NDST3: variants seen among roughly 807,000 people sequenced by gnomAD.
NDST3 encodes N-deacetylase and N-sulfotransferase 3.
Under a neutral mutation model 96.1 loss-of-function variants are expected in NDST3, and 58 were observed. The observed-to-expected ratio is 0.60, with a 90% CI of 0.49 to 0.75. The LOEUF (loss-of-function observed/expected upper bound fraction) is 0.75. NDST3 is among the 30% of genes least tolerant of loss of function. The pLI is 0.00. For synonymous variants in NDST3, 333 were observed against 359.7 expected, an observed-to-expected ratio of 0.93 and a Z score of 0.84; for missense variants, 788 against 1,034.2, an observed-to-expected ratio of 0.76 and a Z score of 3.27.
At chr4:118,179,772 T>C (rs78254564) in intron 6 of NDST3, among the ~76,000 whole-genome samples, 1,820 of 152,182 alleles carry the variant, frequency 0.012, 31 homozygotes, top group African/African-American at 0.041. Flanking sequence ...TCAACATTTT[T>C]TGGTTATTCT....
intron 6 of NDST3, among the ~76,000 whole-genome samples, chr4:118,149,140 C>A (rs1485915679): frequency 1.3e-5 from 2 of 152,158 alleles, no homozygotes; most frequent in South Asian, 4.1e-4. Flanking sequence ...CAGTACCATG[C>A]TGTTTTGGTT....
At chr4:118,186,936 C>T (rs1737000505) in intron 6 of NDST3, among the ~76,000 whole-genome samples, 1 of 152,134 alleles carries the variant, frequency 6.6e-6, no homozygotes, top group Non-Finnish European at 1.5e-5. Context: ...TGGCTGCATG[C>T]AAACATTCAA....
intron 6 of NDST3, among the ~76,000 whole-genome samples, chr4:118,187,144 G>T (rs867315541): frequency 2.6e-5 from 4 of 152,120 alleles, no homozygotes; most frequent in South Asian, 2.1e-4. Flanking sequence ...CCCTAGAAAT[G>T]AATCTCTATA....
intron 6 of NDST3, chr4:118,194,175 C>T (rs1170003778): frequency 2.5e-6 from 2 of 797,190 alleles, no homozygotes; most frequent in Non-Finnish European, 4.4e-6. Flanking sequence ...CTCTCCAGAC[C>T]ATAAGGCAGA....
chr4:118,063,842 C>G (rs1293985552), intron 2 of NDST3, among the ~76,000 whole-genome samples: 2 of 152,142 alleles, frequency 1.3e-5, no homozygotes, highest in Admixed American at 6.5e-5. Context: ...ATCTACCTGG[C>G]TCCAAAATCT....
intron 6 of NDST3, among the ~76,000 whole-genome samples, chr4:118,205,380 A>C (rs1560716765): frequency 1.4e-5 from 2 of 144,870 alleles, no homozygotes; most frequent in Non-Finnish European, 3.1e-5. Flanking sequence ...ATATCATTTA[A>C]AAAACAGAAT....
intron 6 of NDST3, among the ~76,000 whole-genome samples, chr4:118,214,642 C>G (rs537427077): frequency 1.2e-4 from 18 of 151,974 alleles, no homozygotes; most frequent in Non-Finnish European, 2.1e-4. Flanking sequence ...AGGAGGAAGA[C>G]CAGTTAGAAA....
chr4:118,244,971 C>T (rs1306831494), intron 12 of NDST3, among the ~76,000 whole-genome samples: 4 of 152,128 alleles, frequency 2.6e-5, no homozygotes, highest in Admixed American at 2.6e-4. Flanking sequence ...AGAACTTTCT[C>T]ATTCAATCAA....
chr4:118,148,056 T>C (rs552597472), intron 6 of NDST3, among the ~76,000 whole-genome samples: 2 of 152,322 alleles, frequency 1.3e-5, no homozygotes, highest in East Asian at 3.9e-4. Flanking sequence ...GTCAGCACTT[T>C]GGGAGGCCAA....
intron 8 of NDST3, among the ~76,000 whole-genome samples, chr4:118,230,654 A>G (rs61342457): frequency 0.17 from 26,049 of 152,094 alleles, 2,375 homozygotes; most frequent in South Asian, 0.23. Context: ...GGGCTGTGCT[A>G]TGTTTTAACA....
chr4:118,077,509 G>T (rs10030249), intron 2 of NDST3, among the ~76,000 whole-genome samples: 5,513 of 152,242 alleles, frequency 0.036, 352 homozygotes, highest in African/African-American at 0.13. Context: ...TCTGCTCCTG[G>T]GTCTTGGAAG....
chr4:118,197,464 T>C (rs1737771813), intron 6 of NDST3, among the ~76,000 whole-genome samples: 1 of 152,208 alleles, frequency 6.6e-6, no homozygotes, highest in South Asian at 2.1e-4. Flanking sequence ...GCTCTAATAA[T>C]ATTTTCTTTA....
At chr4:118,099,749 G>T (rs1729617749) in intron 2 of NDST3, among the ~76,000 whole-genome samples, 1 of 151,820 alleles carries the variant, frequency 6.6e-6, no homozygotes, top group Non-Finnish European at 1.5e-5. Context: ...TTCCTCTAAG[G>T]GTATCTTTCC....
At chr4:118,252,919 T>A (rs1284336940) in intron 12 of NDST3, among the ~76,000 whole-genome samples, 1 of 151,728 alleles carries the variant, frequency 6.6e-6, no homozygotes, top group African/African-American at 2.4e-5. Context: ...AAGAAAAAAA[T>A]TCATTTGTAG....
intron 6 of NDST3, among the ~76,000 whole-genome samples, chr4:118,164,538 G>A (rs905802258): frequency 3.3e-5 from 5 of 151,916 alleles, no homozygotes; most frequent in Admixed American, 6.6e-5. Flanking sequence ...AAATACTGAG[G>A]GAGTTTATTA....
At position 118,155,013 on chromosome 4, in the gene NDST3, G is replaced by A. The variant is rs564448772; in HGVS notation, c.1539+11329G>A. 2.6e-5 allele frequency among the ~76,000 whole-genome samples: 4 copies of A among 152,268 alleles called. No individual in the cohort carries two copies. In the East Asian group the frequency reaches 7.7e-4, roughly 29 times the overall value. ...TAAGCACTTGCAGTTAAGGAAAAATGTCTAATGTACTTTTAAAGAACTACG... is the reference window on the plus strand; with the variant it reads ...TAAGCACTTGCAGTTAAGGAAAAATATCTAATGTACTTTTAAAGAACTACG... On this transcript the variant is annotated intron_variant, in intron 6 of 13. Coordinates refer to ENST00000296499, the MANE Select transcript of NDST3 (RefSeq NM_004784.3).
chr4:118,179,289 C>T (rs553421333), intron 6 of NDST3, among the ~76,000 whole-genome samples: 6 of 152,012 alleles, frequency 3.9e-5, no homozygotes, highest in Non-Finnish European at 8.8e-5. Flanking sequence ...CCATTGAAAG[C>T]GTGCCATAAT....
intron 2 of NDST3, among the ~76,000 whole-genome samples, chr4:118,058,119 T>A (rs1295644824): frequency 2.0e-5 from 3 of 151,946 alleles, no homozygotes; most frequent in Non-Finnish European, 4.4e-5. Flanking sequence ...TTTCCCTATT[T>A]GAAGTATTGG....
chr4:118,087,129 T>C (rs1250603873), intron 2 of NDST3, among the ~76,000 whole-genome samples: 1 of 152,112 alleles, frequency 6.6e-6, no homozygotes, highest in Non-Finnish European at 1.5e-5. Flanking sequence ...TTATTTACTG[T>C]GTGGGTTTAA....
Sources: gnomAD v4.1 joint callset for allele counts (sites outside exome capture counted in the v4.1 genomes callset) on GRCh38, gnomAD v4.1.1 for gene constraint, MANE v1.5 for transcripts, NCBI Gene and HGNC (gene_info 2026-07-23, HGNC 2026-07-21) for gene names.